MECOM: variants seen among roughly 807,000 people sequenced by gnomAD.
MECOM encodes the protein MDS1 and EVI1 complex locus.
Under a neutral mutation model 116.3 loss-of-function variants are expected in MECOM, and 13 were observed. The observed-to-expected ratio is 0.11, with a 90% CI of 0.07 to 0.18. The LOEUF is 0.18. MECOM is among the 10% of genes least tolerant of loss of function. The pLI is 1.00. For synonymous variants in MECOM, 528 were observed against 535.2 expected (o/e 0.99, Z 0.19); for missense variants, 1,299 against 1,509.0 (o/e 0.86, Z 2.31).
chr3:169,661,047 C>G (rs906797267), intron 1 of MECOM, among the ~76,000 whole-genome samples: 1 of 152,194 alleles, frequency 6.6e-6, no homozygotes, highest in Admixed American at 6.5e-5. Flanking sequence ...ATCATCAGAT[C>G]GGAAACGAGG....
intron 1 of MECOM, among the ~76,000 whole-genome samples, chr3:169,557,588 T>C (rs1762186462): frequency 6.6e-6 from 1 of 152,226 alleles, no homozygotes; most frequent in Non-Finnish European, 1.5e-5. Flanking sequence ...TCAGGTATAT[T>C]GTCTACACCA....
chr3:169,418,232 A>G (rs759761111), intron 1 of MECOM, among the ~76,000 whole-genome samples: 107 of 152,164 alleles, frequency 7.0e-4, no homozygotes, highest in Middle Eastern at 3.4e-3. Context: ...AGCAATAACA[A>G]GTTCTGAAAT....
At chr3:169,097,823 A>C (rs796796814) in intron 12 of MECOM, among the ~76,000 whole-genome samples, 2 of 122,180 alleles carry the variant, frequency 1.6e-5, no homozygotes, top group South Asian at 2.3e-4. Flanking sequence ...TATATAAAAA[A>C]AAAAAAAAAA....
At chr3:169,340,013 A>T (rs982193373) in intron 2 of MECOM, among the ~76,000 whole-genome samples, 1 of 152,208 alleles carries the variant, frequency 6.6e-6, no homozygotes, top group African/African-American at 2.4e-5. Context: ...AAATGAATCT[A>T]TTATGTATTT....
intron 2 of MECOM, among the ~76,000 whole-genome samples, chr3:169,232,979 G>A (rs1753590447): frequency 6.6e-6 from 1 of 151,992 alleles, no homozygotes; most frequent in Admixed American, 6.6e-5. Context: ...TTTCCTGGCA[G>A]GTCCCCAACA....
chr3:169,361,963 T>C (rs1177960371), intron 2 of MECOM, among the ~76,000 whole-genome samples: 1 of 151,906 alleles, frequency 6.6e-6, no homozygotes, highest in Non-Finnish European at 1.5e-5. Context: ...TAAGCCACCT[T>C]CTCTGCTAAC....
chr3:169,536,421 G>A (rs1759367668), intron 1 of MECOM, among the ~76,000 whole-genome samples: 1 of 140,796 alleles, frequency 7.1e-6, no homozygotes, highest in Admixed American at 7.4e-5. Flanking sequence ...CTGGGGTATA[G>A]TCAACTTATT....
intron 1 of MECOM, among the ~76,000 whole-genome samples, chr3:169,651,422 G>C (rs1447799215): frequency 6.6e-6 from 1 of 152,124 alleles, no homozygotes; most frequent in Non-Finnish European, 1.5e-5. Context: ...CTACTATGTT[G>C]TTAAGGATTT....
chr3:169,144,006 C>T (rs1270904942), intron 2 of MECOM, among the ~76,000 whole-genome samples, 174 bp from the exon 3 acceptor site: 1 of 152,136 alleles, frequency 6.6e-6, no homozygotes, highest in African/African-American at 2.4e-5. Context: ...AAAATGACAA[C>T]ATACTGCTTT....
At chr3:169,260,297 C>A (rs1177203485) in intron 2 of MECOM, among the ~76,000 whole-genome samples, 1 of 152,114 alleles carries the variant, frequency 6.6e-6, no homozygotes, top group East Asian at 1.9e-4. Flanking sequence ...AAAGAACTTA[C>A]ATTAAAACTA....
At chr3:169,442,548 C>T (rs983941270) in intron 1 of MECOM, among the ~76,000 whole-genome samples, 2 of 152,132 alleles carry the variant, frequency 1.3e-5, no homozygotes, top group Non-Finnish European at 2.9e-5. Flanking sequence ...GTAATCTCTT[C>T]CATGCCAGGA....
At chr3:169,663,260 C>G in intron 1 of MECOM, 76 bp downstream of exon 1, 1 of 1,527,150 alleles carries the variant, frequency 6.5e-7, no homozygotes, top group Non-Finnish European at 8.9e-7. Flanking sequence ...CGCGCTCCCT[C>G]CCGGAGCGCT....
At chr3:169,641,251 G>A (rs981373576) in intron 1 of MECOM, among the ~76,000 whole-genome samples, 3 of 152,236 alleles carry the variant, frequency 2.0e-5, no homozygotes, top group African/African-American at 7.2e-5. Context: ...TGGAGGCACA[G>A]CAGTGAGAAG....
chr3:169,433,679 A>AAGAAAGAAAG (rs1553851680), intron 1 of MECOM, among the ~76,000 whole-genome samples: 19 of 146,770 alleles, frequency 1.3e-4, no homozygotes, highest in African/African-American at 4.2e-4. Context: ...GAAAGAAAGA[A>AAGAAAGAAAG]AGAAAGAAAG....
At chr3:169,148,343 A>G (rs990767967) in intron 2 of MECOM, among the ~76,000 whole-genome samples, 2 of 152,230 alleles carry the variant, frequency 1.3e-5, no homozygotes, top group Non-Finnish European at 2.9e-5. Context: ...AATCGGTACT[A>G]TCCTATGTTT....
intron 2 of MECOM, among the ~76,000 whole-genome samples, chr3:169,183,420 C>T (rs1559962807): frequency 6.6e-6 from 1 of 152,202 alleles, no homozygotes; most frequent in Non-Finnish European, 1.5e-5. Flanking sequence ...GAATCTCCTT[C>T]AGATCCCTAT....
chr3:169,556,861 C>T (rs1762085344), intron 1 of MECOM, among the ~76,000 whole-genome samples: 1 of 152,162 alleles, frequency 6.6e-6, no homozygotes, highest in South Asian at 2.1e-4. Context: ...AAACCCTACG[C>T]TACAACCACA....
chr3:169,529,053 G>T (rs1022034092), intron 1 of MECOM, among the ~76,000 whole-genome samples: 32 of 152,154 alleles, frequency 2.1e-4, no homozygotes, highest in Non-Finnish European at 2.1e-4. Context: ...TTTTAAAAAA[G>T]GGAGGTTCTA....
intron 2 of MECOM, among the ~76,000 whole-genome samples, chr3:169,263,746 A>G (rs975461560): frequency 1.3e-5 from 2 of 152,196 alleles, no homozygotes; most frequent in Non-Finnish European, 2.9e-5. Context: ...GTTTGCTTAC[A>G]TAGTAATGTC....
Sources: allele counts gnomAD v4.1 joint callset (sites outside exome capture counted in the v4.1 genomes callset), GRCh38; gene constraint gnomAD v4.1.1; transcripts MANE v1.5; gene names NCBI Gene and HGNC (gene_info 2026-07-23, HGNC 2026-07-21).